Variants in ATP8A2 observed in about 807,000 individuals in gnomAD.
The protein encoded by ATP8A2 is ATPase phospholipid transporting 8A2.
In ATP8A2, 100 loss-of-function variants were observed where a neutral mutation model predicts 165.6. The ratio of observed to expected loss-of-function variants is 0.60; its 90% CI spans 0.51 to 0.71. The LOEUF (loss-of-function observed/expected upper bound fraction) is 0.71, where lower values mean the gene tolerates loss of function less well. Among genes scored for constraint, ATP8A2 ranks in the 30% least tolerant of loss-of-function variants. The pLI is 0.00. For missense variants in ATP8A2, 1,227 were observed against 1,479.5 expected, an observed-to-expected ratio of 0.83 and a Z score of 2.80; for synonymous variants, 543 against 548.8, an observed-to-expected ratio of 0.99 and a Z score of 0.15.
chr13:25,541,904 G>T lies in ATP8A2; in HGVS notation c.652-15G>T. On this transcript the variant is annotated splice_polypyrimidine_tract_variant and intron_variant, in intron 8 of 36. Transcript: ENST00000381655. ...AAGATTGTGTTTGACTTCCTCTTTT[G>T]GTTTAATCTTTTAGGGTTTGAGTCA... 6.2e-7 allele frequency: 1 copy of T among 1,613,522 alleles called. No individual in the cohort carries two copies.
chr13:25,798,456 T>C (rs532465185), intron 27 of ATP8A2, among the ~76,000 whole-genome samples: 3 of 152,336 alleles, frequency 2.0e-5, no homozygotes, highest in African/African-American at 4.8e-5. Context: ...TGCACTTTGA[T>C]GTAACTCTTG....
chr13:25,450,369 TTC>T (rs1213677552), intron 1 of ATP8A2, among the ~76,000 whole-genome samples: 1 of 147,546 alleles, frequency 6.8e-6, no homozygotes, highest in South Asian at 2.2e-4. Flanking sequence ...AATGGTATTT[TTC>T]TGTCTTTAGA....
At chr13:26,010,346 G>T (rs1045813601) in intron 35 of ATP8A2, among the ~76,000 whole-genome samples, 4 of 152,212 alleles carry the variant, frequency 2.6e-5, no homozygotes, top group Admixed American at 2.6e-4. Flanking sequence ...GGGTGGTTCA[G>T]GAGGCATGTC....
At chr13:25,546,300 C>G (rs1447165384) in intron 10 of ATP8A2, among the ~76,000 whole-genome samples, 3 of 152,174 alleles carry the variant, frequency 2.0e-5, no homozygotes, top group Non-Finnish European at 4.4e-5. Context: ...TGCATGTTGA[C>G]TGCTCATGTA....
chr13:26,017,282 T>G (rs1179319506), intron 36 of ATP8A2, among the ~76,000 whole-genome samples: 1 of 152,176 alleles, frequency 6.6e-6, no homozygotes, highest in Non-Finnish European at 1.5e-5. Flanking sequence ...CCAGGCCCCC[T>G]CAGGATGACT....
chr13:25,478,414 C>T (rs551160139), intron 2 of ATP8A2, among the ~76,000 whole-genome samples: 1 of 152,182 alleles, frequency 6.6e-6, no homozygotes, highest in Admixed American at 6.5e-5. Context: ...AATCAGCAAC[C>T]CTTTCAAGAG....
chr13:25,587,917 G>C (rs568906062), intron 23 of ATP8A2, among the ~76,000 whole-genome samples: 2 of 152,224 alleles, frequency 1.3e-5, no homozygotes, highest in African/African-American at 2.4e-5. Context: ...ATACAGACTT[G>C]AACTAGTTTG....
intron 30 of ATP8A2, among the ~76,000 whole-genome samples, chr13:25,852,440 TC>T (rs1952030840): frequency 6.6e-6 from 1 of 152,212 alleles, no homozygotes; most frequent in South Asian, 2.1e-4. Context: ...CTCCAGGCGT[TC>T]CTGGCACTCC....
At chr13:25,524,022 C>T (rs1045551045) in intron 2 of ATP8A2, among the ~76,000 whole-genome samples, 2 of 152,032 alleles carry the variant, frequency 1.3e-5, no homozygotes, top group Admixed American at 1.3e-4. Flanking sequence ...CTTACCATTG[C>T]TTTTGCTGTA....
intron 1 of ATP8A2, among the ~76,000 whole-genome samples, chr13:25,419,037 AGAACCAGG>A (rs1346531982): frequency 6.6e-6 from 1 of 152,188 alleles, no homozygotes; most frequent in African/African-American, 2.4e-5. Context: ...GAATCATCTT[AGAACCAGG>A]GCCATGTGTG....
At chr13:25,791,564 C>CAT (rs1265765197) in intron 27 of ATP8A2, among the ~76,000 whole-genome samples, 2 of 151,614 alleles carry the variant, frequency 1.3e-5, no homozygotes, top group Non-Finnish European at 2.9e-5. Context: ...CACACACACA[C>CAT]ACACACACAC....
intron 9 of ATP8A2, 49 bp downstream of exon 9, chr13:25,542,095 T>C: frequency 6.5e-7 from 1 of 1,543,644 alleles, no homozygotes; most frequent in South Asian, 1.2e-5. Context: ...TGACTAAGAA[T>C]TACTGGAGCT....
At position 25,586,558 on chromosome 13, in the gene ATP8A2, C is replaced by T. The variant is rs115958660; in HGVS notation, c.2147-3077C>T. Among the ~76,000 whole-genome samples, 797 of 152,258 alleles carry T rather than the reference C, an allele frequency of 5.2e-3. 8 individuals are homozygous for T. The highest frequency in any genetic ancestry group is 0.018 in the African/African-American group (759 of 41,532). Reference sequence around the variant, plus strand: ...TCCCACCTGGGATAGCTTAAAAGACCGTCTTTTGTCATGCATTCTTGTTGT... The same window carrying T: ...TCCCACCTGGGATAGCTTAAAAGACTGTCTTTTGTCATGCATTCTTGTTGT... On this transcript the variant is annotated intron_variant, in intron 23 of 36. Coordinates refer to ENST00000381655, the MANE Select transcript of ATP8A2 (RefSeq NM_016529.6).
At position 25,613,520 on chromosome 13, in the gene ATP8A2, G is replaced by A. The variant is rs143392114; in HGVS notation, c.2211+23821G>A. Among the ~76,000 whole-genome samples, 356 of 152,238 alleles carry A rather than the reference G, an allele frequency of 2.3e-3. 3 individuals carry two copies. The highest frequency in any genetic ancestry group is 0.02 in the Middle Eastern group (6 of 294). Reference sequence around the variant, plus strand: ...AGCTGGGAGGTGGAGGTTGCCATGAGCCAAGATTGTGCCACTGCACTCCAG... The same window carrying A: ...AGCTGGGAGGTGGAGGTTGCCATGAACCAAGATTGTGCCACTGCACTCCAG... On this transcript the variant is annotated intron_variant, in intron 24 of 36. Transcript: ENST00000381655.
chr13:25,790,838 C>T (rs1027244397), intron 27 of ATP8A2, among the ~76,000 whole-genome samples: 2 of 152,128 alleles, frequency 1.3e-5, no homozygotes, highest in African/African-American at 4.8e-5. Context: ...GAAATACCAT[C>T]TGACACCAGT....
intron 24 of ATP8A2, among the ~76,000 whole-genome samples, chr13:25,631,647 G>A (rs565736752): frequency 6.6e-6 from 1 of 152,062 alleles, no homozygotes; most frequent in South Asian, 2.1e-4. Context: ...CCTATACTAG[G>A]CACTGTACTT....
intron 2 of ATP8A2, among the ~76,000 whole-genome samples, chr13:25,501,939 G>A (rs754234529): frequency 6.6e-6 from 1 of 152,228 alleles, no homozygotes; most frequent in Non-Finnish European, 1.5e-5. Flanking sequence ...TTGCACTGGA[G>A]GGGGAGCAAC....
intron 33 of ATP8A2, among the ~76,000 whole-genome samples, chr13:25,929,430 T>G (rs577352788): frequency 6.6e-6 from 1 of 152,356 alleles, no homozygotes; most frequent in Admixed American, 6.5e-5. Flanking sequence ...GGCAGATATA[T>G]CCTTCAGAAT....
At chr13:25,892,927 G>A (rs1166427790) in intron 33 of ATP8A2, among the ~76,000 whole-genome samples, 1 of 151,940 alleles carries the variant, frequency 6.6e-6, no homozygotes, top group African/African-American at 2.4e-5. Flanking sequence ...TAAGTGGTTG[G>A]TAATATTAGT....
Sources: allele counts gnomAD v4.1 joint callset (sites outside exome capture counted in the v4.1 genomes callset), GRCh38; gene constraint gnomAD v4.1.1; transcripts MANE v1.5; gene names NCBI Gene and HGNC (gene_info 2026-07-23, HGNC 2026-07-21).